The following SCAI variants were observed in gnomAD, a reference collection of about 807,000 sequenced individuals.
SCAI encodes protein SCAI.
In SCAI, 24 loss-of-function variants were observed where a neutral mutation model predicts 92.2. The observed-to-expected ratio is 0.26, with a 90% CI of 0.19 to 0.37. The LOEUF (loss-of-function observed/expected upper bound fraction) is 0.37. Ranked by LOEUF, SCAI falls within the 10% of genes least tolerant of loss-of-function variation. The pLI, the probability that SCAI is intolerant of heterozygous loss-of-function variation, is 1.00. For synonymous variants in SCAI, 261 were observed against 258.6 expected, an observed-to-expected ratio of 1.01 and a Z score of -0.09; for missense variants, 450 against 736.2, an observed-to-expected ratio of 0.61 and a Z score of 4.50.
chr9:124,986,987 TTTC>T (rs1198889550), intron 14 of SCAI, among the ~76,000 whole-genome samples: 2 of 152,218 alleles, frequency 1.3e-5, no homozygotes, highest in African/African-American at 4.8e-5. Flanking sequence ...GCAAAAGGAT[TTTC>T]TTCTTCCAGG....
chr9:124,966,078 TATG>T (rs1189063536), intron 17 of SCAI, among the ~76,000 whole-genome samples: 1 of 152,206 alleles, frequency 6.6e-6, no homozygotes, highest in Non-Finnish European at 1.5e-5. Context: ...TTTATGCAGT[TATG>T]ATTTTTTAAA....
At chr9:124,960,174 T>C (rs571105062) in intron 17 of SCAI, among the ~76,000 whole-genome samples, 5 of 152,302 alleles carry the variant, frequency 3.3e-5, no homozygotes, top group South Asian at 2.1e-4. Context: ...CAAATGTCTG[T>C]GCAAAGGCTT....
intron 2 of SCAI, among the ~76,000 whole-genome samples, chr9:125,058,617 C>G (rs182595325): frequency 6.6e-6 from 1 of 152,332 alleles, no homozygotes; most frequent in Admixed American, 6.5e-5. Context: ...GATGCATACT[C>G]CCTAGCTCTG....
chr9:125,110,941 A>G (rs1834917526), intron 2 of SCAI, among the ~76,000 whole-genome samples: 1 of 152,176 alleles, frequency 6.6e-6, no homozygotes, highest in South Asian at 2.1e-4. Flanking sequence ...CCGTGAACCA[A>G]TTAAACCGCT....
At chr9:124,973,568 C>T (rs1242082626) in intron 15 of SCAI, among the ~76,000 whole-genome samples, 1 of 152,182 alleles carries the variant, frequency 6.6e-6, no homozygotes. Flanking sequence ...CACGGTGGCT[C>T]ACGCCTGTAA....
In SCAI at chr9:125,046,452, G is replaced by A. The variant is rs553059334; in HGVS notation, c.230+9424C>T. Among the ~76,000 whole-genome samples the A allele has an allele frequency of 2.7e-5, 4 of 146,932 alleles. No homozygotes were observed. The South Asian group carries it at 6.6e-4, about 24-fold the overall frequency. ...CATTATTCTAAGTTAAGTAACTCAC[G>A]AATGGAAAACCAAACATCATGTGTT... On this transcript the variant is annotated intron_variant, in intron 3 of 17. Transcript: ENST00000336505.
chr9:125,119,198 G>T (rs774454885), intron 2 of SCAI, among the ~76,000 whole-genome samples: 2 of 152,102 alleles, frequency 1.3e-5, no homozygotes, highest in African/African-American at 2.4e-5. Context: ...AATATTTTGT[G>T]GCAGGTAATA....
chr9:125,097,093 A>G (rs1834573426), intron 2 of SCAI, among the ~76,000 whole-genome samples: 1 of 152,170 alleles, frequency 6.6e-6, no homozygotes, highest in Non-Finnish European at 1.5e-5. Context: ...TACGTATACA[A>G]TTACTTCTAG....
At chr9:124,968,088 CAATT>C (rs1168473142) in intron 17 of SCAI, among the ~76,000 whole-genome samples, 6 of 152,200 alleles carry the variant, frequency 3.9e-5, no homozygotes, top group East Asian at 1.9e-4. Context: ...GGAAATCAGA[CAATT>C]AATCCAAAAA....
intron 14 of SCAI, among the ~76,000 whole-genome samples, chr9:124,992,494 C>T (rs1832149079): frequency 6.6e-6 from 1 of 151,904 alleles, no homozygotes; most frequent in African/African-American, 2.4e-5. Flanking sequence ...AGCGATTCTC[C>T]TGCCTCAGCC....
chr9:125,143,516 T>C lies in SCAI; in HGVS notation c.-79A>G, dbSNP rs985203114. The C allele has an allele frequency of 1.3e-5, 16 of 1,229,516 alleles. No individual in the cohort carries two copies. Among genetic ancestry groups the C allele is most frequent in the Non-Finnish European group, 1.7e-5 (16 of 963,496 alleles). The allele number at this position is 1,229,516 out of a possible 1,614,324, so 76.2% of individuals were successfully genotyped here. On this transcript the variant is annotated 5_prime_UTR_variant, in exon 1 of 18. Transcript: ENST00000336505. ...GAAGCTGAGGCGGCGGAGGCTGGAG[T>C]AGGCGGAGAGGCGGGAGGAGGGCCT...
chr9:124,987,065 C>T (rs889150968), intron 14 of SCAI, among the ~76,000 whole-genome samples: 35 of 152,308 alleles, frequency 2.3e-4, no homozygotes, highest in African/African-American at 8.2e-4. Context: ...TGGAGTCTCG[C>T]TCTGTCGCCC....
chr9:125,124,893 C>T (rs752586402), intron 2 of SCAI, among the ~76,000 whole-genome samples: 1 of 152,230 alleles, frequency 6.6e-6, no homozygotes, highest in South Asian at 2.1e-4. Flanking sequence ...AACTACCTTA[C>T]GGCCCTTCCC....
rs563872816 is a variant in SCAI, at chr9:125,119,412, T to C, written c.98+23221A>G. On this transcript the variant is annotated intron_variant, in intron 2 of 17. Transcript: ENST00000336505. ...AGCAATATTGTTGTCCAATATTTGA[T>C]TTCTTGTTTTGTACTGCTCTTTAGT... Among the ~76,000 whole-genome samples the C allele has an allele frequency of 2.6e-5, 4 of 152,346 alleles. No individual in the cohort carries two copies. In the South Asian group the frequency reaches 8.3e-4, roughly 32 times the overall value.
intron 3 of SCAI, among the ~76,000 whole-genome samples, chr9:125,052,135 C>T (rs183313490): frequency 2.0e-4 from 31 of 152,062 alleles, no homozygotes; most frequent in South Asian, 2.1e-4. Context: ...GAAAAAAACA[C>T]GGGAGTACAT....
chr9:125,136,472 T>A (rs1835532610), intron 2 of SCAI, among the ~76,000 whole-genome samples: 1 of 144,334 alleles, frequency 6.9e-6, no homozygotes, highest in Admixed American at 6.9e-5. Flanking sequence ...TTTTTTTTTT[T>A]TTTTTTGAGA....
chr9:124,969,352 GA>G (rs201256078), intron 17 of SCAI, among the ~76,000 whole-genome samples: 2 of 150,702 alleles, frequency 1.3e-5, no homozygotes, highest in Non-Finnish European at 3.0e-5. Flanking sequence ...AGGCATATTT[GA>G]AAAAAAAATT....
chr9:125,063,227 G>A (rs1588189709), intron 2 of SCAI, among the ~76,000 whole-genome samples: 2 of 151,280 alleles, frequency 1.3e-5, no homozygotes, highest in East Asian at 3.9e-4. Context: ...TGGCCAACAT[G>A]GCAAAACAGC....
intron 2 of SCAI, among the ~76,000 whole-genome samples, chr9:125,094,688 G>A (rs1278001010): frequency 1.3e-5 from 2 of 152,048 alleles, no homozygotes; most frequent in African/African-American, 4.8e-5. Flanking sequence ...TTTCTATAGA[G>A]ACAGGGTCTC....
Sources: gnomAD v4.1 joint callset for allele counts (sites outside exome capture counted in the v4.1 genomes callset) on GRCh38, gnomAD v4.1.1 for gene constraint, MANE v1.5 for transcripts, NCBI Gene and HGNC (gene_info 2026-07-23, HGNC 2026-07-21) for gene names.